Variants in ADAM23 observed in about 807,000 individuals in gnomAD.
ADAM23 encodes the protein disintegrin and metalloproteinase domain-containing protein 23.
Under a neutral mutation model 120.1 loss-of-function variants are expected in ADAM23, and 33 were observed. The observed-to-expected ratio is 0.27, with a 90% confidence interval of 0.21 to 0.37. ADAM23 has a LOEUF of 0.37. Among genes scored for constraint, ADAM23 ranks in the 10% least tolerant of loss-of-function variants. The pLI, the probability that ADAM23 is intolerant of heterozygous loss-of-function variation, is 1.00. For missense variants in ADAM23, 862 were observed against 1,058.2 expected (o/e 0.81, Z 2.57); for synonymous variants, 367 against 375.2 (o/e 0.98, Z 0.25).
At chr2:206,570,416 C>G (rs902875417) in intron 15 of ADAM23, among the ~76,000 whole-genome samples, 1 of 152,120 alleles carries the variant, frequency 6.6e-6, no homozygotes, top group South Asian at 2.1e-4. Context: ...CATTTTAGCT[C>G]CATTAGCAAA....
chr2:206,583,386 G>A (rs13393505), intron 18 of ADAM23, among the ~76,000 whole-genome samples: 18,966 of 151,694 alleles, frequency 0.13, 1,342 homozygotes, highest in African/African-American at 0.18. Flanking sequence ...CCCGGGAGGC[G>A]GAGGTTGCAG....
At chr2:206,598,033 T>C (rs1441084329) in intron 24 of ADAM23, among the ~76,000 whole-genome samples, 1 of 152,242 alleles carries the variant, frequency 6.6e-6, no homozygotes, top group Non-Finnish European at 1.5e-5. Context: ...CTGTTCTCCT[T>C]CTTCTATTTC....
intron 3 of ADAM23, among the ~76,000 whole-genome samples, chr2:206,485,689 T>C (rs1393297192): frequency 6.6e-6 from 1 of 152,230 alleles, no homozygotes; most frequent in Non-Finnish European, 1.5e-5. Flanking sequence ...CTGGCTGTTA[T>C]AGGTGCTGAT....
At chr2:206,614,343 C>T (rs1698892145) in intron 25 of ADAM23, among the ~76,000 whole-genome samples, 1 of 152,152 alleles carries the variant, frequency 6.6e-6, no homozygotes, top group South Asian at 2.1e-4. Flanking sequence ...TGAAAAAGAG[C>T]TATATCTAGA....
chr2:206,526,005 A>AT (rs1212173249), intron 3 of ADAM23, among the ~76,000 whole-genome samples: 5 of 152,270 alleles, frequency 3.3e-5, no homozygotes, highest in Admixed American at 2.0e-4. Flanking sequence ...TTTTCCAATT[A>AT]TTAGAATCCT....
At chr2:206,550,594 A>G (rs1489790047) in intron 9 of ADAM23, among the ~76,000 whole-genome samples, 1 of 147,664 alleles carries the variant, frequency 6.8e-6, no homozygotes, top group African/African-American at 2.5e-5. Context: ...TTGATGACTT[A>G]TCGTCTTTTT....
chr2:206,467,271 G>T (rs1005340650), intron 2 of ADAM23, among the ~76,000 whole-genome samples: 3 of 152,194 alleles, frequency 2.0e-5, no homozygotes, highest in African/African-American at 7.2e-5. Flanking sequence ...AGTCTTTTCT[G>T]AGATAACGCT....
intron 25 of ADAM23, among the ~76,000 whole-genome samples, chr2:206,612,677 A>G (rs1043079914): frequency 1.3e-5 from 2 of 152,242 alleles, no homozygotes; most frequent in African/African-American, 4.8e-5. Context: ...CTGCCCAAGT[A>G]TAAATGAGAA....
At chr2:206,545,473 G>A (rs1009349680) in intron 6 of ADAM23, among the ~76,000 whole-genome samples, 8 of 152,126 alleles carry the variant, frequency 5.3e-5, no homozygotes, top group Non-Finnish European at 8.8e-5. Flanking sequence ...GCGACAGAGC[G>A]AGACTCCATC....
chr2:206,512,556 C>T (rs190170210), intron 3 of ADAM23, among the ~76,000 whole-genome samples: 700 of 152,294 alleles, frequency 4.6e-3, no homozygotes, highest in Middle Eastern at 0.02. Flanking sequence ...CATGTGAAGA[C>T]ATTCCTAGAA....
At chr2:206,463,327 G>T (rs893985182) in intron 2 of ADAM23, among the ~76,000 whole-genome samples, 1 of 152,154 alleles carries the variant, frequency 6.6e-6, no homozygotes, top group African/African-American at 2.4e-5. Flanking sequence ...TGAGTGATGC[G>T]AGGAGGGGCC....
chr2:206,466,469 C>T (rs954096719), intron 2 of ADAM23, among the ~76,000 whole-genome samples: 2 of 152,146 alleles, frequency 1.3e-5, no homozygotes, highest in African/African-American at 2.4e-5. Context: ...TCTCTGTTAT[C>T]TTAGGTTTCT....
chr2:206,541,344 T>C lies in ADAM23; in HGVS notation c.574-708T>C, dbSNP rs1014569855. 2.0e-5 allele frequency among the ~76,000 whole-genome samples: 3 copies of C among 152,158 alleles called. No homozygotes were observed. The South Asian group carries it at 6.2e-4, about 32-fold the overall frequency. The stretch of plus-strand genomic sequence containing the variant: ...CAATGAATATAGATTTAACTAAAAC[T>C]GGTGATATGAATTAGAATGTACTGG... On this transcript the variant is annotated intron_variant, in intron 4 of 25. Coordinates refer to ENST00000264377, the MANE Select transcript of ADAM23 (RefSeq NM_003812.4).
intron 2 of ADAM23, among the ~76,000 whole-genome samples, chr2:206,457,967 G>A (rs1329358638): frequency 1.3e-5 from 2 of 152,202 alleles, no homozygotes; most frequent in East Asian, 3.8e-4. Flanking sequence ...AGTATAGCCA[G>A]TGTTTCTACA....
intron 9 of ADAM23, among the ~76,000 whole-genome samples, chr2:206,555,877 T>C (rs1189086758): frequency 6.6e-6 from 1 of 152,162 alleles, no homozygotes; most frequent in Non-Finnish European, 1.5e-5. Context: ...GAACTTAATG[T>C]TAATATTTTT....
At chr2:206,583,154 T>C (rs1462775820) in intron 18 of ADAM23, among the ~76,000 whole-genome samples, 1 of 152,192 alleles carries the variant, frequency 6.6e-6, no homozygotes, top group Non-Finnish European at 1.5e-5. Flanking sequence ...TTTCCAAGCT[T>C]TTAGAATTCT....
intron 2 of ADAM23, among the ~76,000 whole-genome samples, chr2:206,463,189 T>C (rs1167599866): frequency 6.6e-6 from 1 of 152,218 alleles, no homozygotes; most frequent in Non-Finnish European, 1.5e-5. Flanking sequence ...GAAGACACTT[T>C]GTAGATATGA....
intron 3 of ADAM23, among the ~76,000 whole-genome samples, chr2:206,528,739 A>G (rs551389840): frequency 3.3e-5 from 5 of 152,240 alleles, no homozygotes; most frequent in Non-Finnish European, 7.3e-5. Context: ...GCAAAATTAT[A>G]GAAAATCAGA....
At chr2:206,607,233 G>A (rs1698744765) in intron 24 of ADAM23, 1 of 152,206 alleles carries the variant, frequency 6.6e-6, no homozygotes, top group African/African-American at 2.4e-5. Flanking sequence ...GTTTCTCCTT[G>A]TGTATTAGAA....
Sources: gnomAD v4.1 joint callset for allele counts (sites outside exome capture counted in the v4.1 genomes callset) on GRCh38, gnomAD v4.1.1 for gene constraint, MANE v1.5 for transcripts, NCBI Gene and HGNC (gene_info 2026-07-23, HGNC 2026-07-21) for gene names.